Variants in LRRTM4 observed in about 807,000 individuals in gnomAD.
LRRTM4 encodes leucine-rich repeat transmembrane neuronal protein 4.
LRRTM4 carries 25 observed loss-of-function variants against 47.6 expected under a neutral mutation model. That is an observed-to-expected ratio of 0.53 (90% CI 0.38 to 0.73). The LOEUF is 0.73. Among genes scored for constraint, LRRTM4 ranks in the 30% least tolerant of loss-of-function variants. The pLI is 0.00. For missense variants in LRRTM4, 638 were observed against 713.4 expected, an observed-to-expected ratio of 0.89 and a Z score of 1.20; for synonymous variants, 311 against 269.5, an observed-to-expected ratio of 1.15 and a Z score of -1.51.
chr2:76,772,812 A>T (rs773826750), intron 3 of LRRTM4: 9 of 152,130 alleles, frequency 5.9e-5, no homozygotes, highest in Non-Finnish European at 1.2e-4. Context: ...TTTATTAGTA[A>T]TTATTGTTGT....
chr2:77,521,040 C>CT (rs1039617242), intron 2 of LRRTM4, among the ~76,000 whole-genome samples: 2 of 151,654 alleles, frequency 1.3e-5, no homozygotes, highest in African/African-American at 2.4e-5. Flanking sequence ...TTAAGTTTTT[C>CT]TTTTTTTTCT....
intron 3 of LRRTM4, among the ~76,000 whole-genome samples, chr2:76,781,475 C>T (rs564237429): frequency 1.2e-4 from 19 of 152,332 alleles, no homozygotes; most frequent in South Asian, 4.1e-4. Flanking sequence ...TTTTTAAGCC[C>T]GTCTGAAAAG....
chr2:77,081,680 T>G (rs990204140), intron 3 of LRRTM4, among the ~76,000 whole-genome samples: 2 of 152,184 alleles, frequency 1.3e-5, no homozygotes, highest in African/African-American at 4.8e-5. Context: ...CTTATTTCAT[T>G]AGCAGTTTAT....
At chr2:77,332,993 A>G (rs1394724) in intron 3 of LRRTM4, among the ~76,000 whole-genome samples, 102,491 of 151,964 alleles carry the variant, frequency 0.67, 35,105 homozygotes, top group Middle Eastern at 0.79. Context: ...GGCTGTTCTC[A>G]CGTTAGTGAA....
At chr2:77,417,353 A>G (rs935010070) in intron 3 of LRRTM4, among the ~76,000 whole-genome samples, 3 of 152,054 alleles carry the variant, frequency 2.0e-5, no homozygotes, top group Non-Finnish European at 4.4e-5. Context: ...AGGGATCTAG[A>G]ACTAGAAATA....
chr2:77,471,758 C>T (rs895838527), intron 3 of LRRTM4, among the ~76,000 whole-genome samples: 1 of 152,178 alleles, frequency 6.6e-6, no homozygotes, highest in Admixed American at 6.5e-5. Flanking sequence ...AGATATATAA[C>T]ACACATTCAC....
intron 3 of LRRTM4, among the ~76,000 whole-genome samples, chr2:77,457,827 T>C (rs1465756128): frequency 6.6e-6 from 1 of 152,110 alleles, no homozygotes; most frequent in Non-Finnish European, 1.5e-5. Flanking sequence ...TATCATCACC[T>C]GGCACCTTCT....
At chr2:76,895,369 G>A (rs928108396) in intron 3 of LRRTM4, among the ~76,000 whole-genome samples, 2 of 151,996 alleles carry the variant, frequency 1.3e-5, no homozygotes, top group African/African-American at 4.8e-5. Context: ...TTATAAAAAT[G>A]ATGCCTCATC....
At chr2:77,088,254 C>A (rs1236232156) in intron 3 of LRRTM4, among the ~76,000 whole-genome samples, 1 of 152,150 alleles carries the variant, frequency 6.6e-6, no homozygotes, top group Non-Finnish European at 1.5e-5. Flanking sequence ...CTGAAGCAAT[C>A]GCGTCCCCTG....
chr2:76,809,371 G>T (rs951847053), intron 3 of LRRTM4, among the ~76,000 whole-genome samples: 1 of 152,078 alleles, frequency 6.6e-6, no homozygotes, highest in African/African-American at 2.4e-5. Flanking sequence ...CCCCTCCCCA[G>T]TGTTCCCTTA....
At chr2:77,188,020 CAT>C (rs1673558997) in intron 3 of LRRTM4, among the ~76,000 whole-genome samples, 2 of 152,102 alleles carry the variant, frequency 1.3e-5, no homozygotes, top group Non-Finnish European at 2.9e-5. Flanking sequence ...AATTATACTA[CAT>C]ACCAATTTTA....
chr2:77,184,622 T>C (rs1335703679), intron 3 of LRRTM4, among the ~76,000 whole-genome samples: 1 of 152,116 alleles, frequency 6.6e-6, no homozygotes, highest in African/African-American at 2.4e-5. Context: ...AGTTTGTCCT[T>C]AGATAGGTTC....
chr2:76,777,672 G>A (rs902495157), intron 3 of LRRTM4, among the ~76,000 whole-genome samples: 1 of 150,884 alleles, frequency 6.6e-6, no homozygotes, highest in African/African-American at 2.4e-5. Context: ...GAGACAATGG[G>A]GTTTTCTAGA....
intron 3 of LRRTM4, among the ~76,000 whole-genome samples, chr2:77,404,585 T>A (rs994721599): frequency 6.6e-6 from 1 of 152,092 alleles, no homozygotes; most frequent in Non-Finnish European, 1.5e-5. Context: ...GGGATAATTT[T>A]GTGGCTAGAT....
At chr2:77,322,153 T>C (rs1677814393) in intron 3 of LRRTM4, among the ~76,000 whole-genome samples, 1 of 152,164 alleles carries the variant, frequency 6.6e-6, no homozygotes, top group South Asian at 2.1e-4. Flanking sequence ...AGTTCTTTGT[T>C]TCCAAAGCAC....
At position 77,183,773 on chromosome 2, in the gene LRRTM4, T is replaced by C. The variant is rs528002420; in HGVS notation, c.1551+334545A>G. On this transcript the variant is annotated intron_variant, in intron 3 of 3. Coordinates refer to ENST00000409884, the MANE Select transcript of LRRTM4 (RefSeq NM_001134745.3). ...GCCATAAAAAAGCAATGAGTTCATG[T>C]CCTTTGTAGGGACATGGATGAAGCT... Among the ~76,000 whole-genome samples, 4 of 152,256 alleles carry C rather than the reference T, an allele frequency of 2.6e-5. No homozygotes were observed. In the South Asian group the frequency reaches 8.3e-4, roughly 32 times the overall value.
rs572852650 is a variant in LRRTM4 at position 77,354,146 on chromosome 2, T to C, written c.1551+164172A>G. Reference sequence around the variant, plus strand: ...TAACTTCCAGGTGTTGCCATGGCAATGGTAAACTGATATGGCACCAGTGGT... The same window carrying C: ...TAACTTCCAGGTGTTGCCATGGCAACGGTAAACTGATATGGCACCAGTGGT... On this transcript the variant is annotated intron_variant, in intron 3 of 3. Transcript: ENST00000409884. Among the ~76,000 whole-genome samples the C allele has an allele frequency of 4.6e-5, 7 of 152,258 alleles. No homozygotes were observed. The South Asian group carries it at 1.2e-3, about 27-fold the overall frequency.
chr2:77,266,709 T>C (rs1676059566), intron 3 of LRRTM4, among the ~76,000 whole-genome samples: 1 of 152,090 alleles, frequency 6.6e-6, no homozygotes, highest in Non-Finnish European at 1.5e-5. Flanking sequence ...CCAGTGTTTC[T>C]GACTGCAGGA....
At chr2:77,033,190 A>T (rs1027514740) in intron 3 of LRRTM4, among the ~76,000 whole-genome samples, 3 of 152,030 alleles carry the variant, frequency 2.0e-5, no homozygotes, top group African/African-American at 4.8e-5. Context: ...TATAGATTGT[A>T]ATCTATTCAG....
Sources: gnomAD v4.1 joint callset for allele counts (sites outside exome capture counted in the v4.1 genomes callset) on GRCh38, gnomAD v4.1.1 for gene constraint, MANE v1.5 for transcripts, NCBI Gene and HGNC (gene_info 2026-07-23, HGNC 2026-07-21) for gene names.